The following TLN2 variants were observed in gnomAD, a reference collection of about 807,000 sequenced individuals.
TLN2 encodes the protein talin-2.
A neutral mutation model predicts 294.7 loss-of-function variants in TLN2; 118 were observed. The ratio of observed to expected loss-of-function variants is 0.40; its 90% confidence interval spans 0.34 to 0.47. The LOEUF (loss-of-function observed/expected upper bound fraction) is 0.47, where lower values mean the gene tolerates loss of function less well. Ranked by LOEUF, TLN2 falls within the 20% of genes least tolerant of loss-of-function variation. The pLI is 0.84. For synonymous variants in TLN2, 1,431 were observed against 1,304.5 expected (o/e 1.10, Z -2.09); for missense variants, 3,083 against 3,282.2 (o/e 0.94, Z 1.48).
intron 12 of TLN2, among the ~76,000 whole-genome samples, chr15:62,689,415 A>G (rs1400999237): frequency 6.6e-6 from 1 of 152,182 alleles, no homozygotes; most frequent in African/African-American, 2.4e-5. Flanking sequence ...ATGTGATGAA[A>G]GAAACTCATG....
intron 3 of TLN2, chr15:62,638,768 C>G (rs1000276840): frequency 7.8e-6 from 3 of 386,688 alleles, no homozygotes; most frequent in Non-Finnish European, 1.5e-5. Context: ...GAACCCTTCT[C>G]TGTGTCAGGT....
rs146677961 is a variant in TLN2, at chr15:62,462,463, T to G, written c.-238+71778T>G. On this transcript the variant is annotated intron_variant, in intron 1 of 58. Transcript: ENST00000636159. Reference sequence around the variant, plus strand: ...TGGACACATTGTTAGGGCCATCTGTTTTGGAAACCAGCACTACTCTTGGGT... The same window carrying G: ...TGGACACATTGTTAGGGCCATCTGTGTTGGAAACCAGCACTACTCTTGGGT... 7.0e-4 allele frequency among the ~76,000 whole-genome samples: 106 copies of G among 152,136 alleles called. 1 individual carries two copies. The highest frequency in any genetic ancestry group is 2.4e-3 in the African/African-American group (100 of 41,496).
chr15:62,644,371 A>C (rs1377982893), intron 3 of TLN2: 1 of 389,542 alleles, frequency 2.6e-6, no homozygotes, highest in East Asian at 7.2e-5. Flanking sequence ...CTGCCAATTC[A>C]GAATGTTGTT....
At chr15:62,556,528 G>A (rs1043505559) in intron 1 of TLN2, among the ~76,000 whole-genome samples, 2 of 151,874 alleles carry the variant, frequency 1.3e-5, no homozygotes, top group African/African-American at 4.8e-5. Flanking sequence ...GTCCAGGCTG[G>A]TCTCAAGAGA....
intron 37 of TLN2, among the ~76,000 whole-genome samples, chr15:62,759,930 C>T (rs966176332): frequency 3.9e-5 from 6 of 152,322 alleles, no homozygotes; most frequent in Admixed American, 2.6e-4. Context: ...TGGTAAACCC[C>T]GACCTCCAGG....
At position 62,762,446 on chromosome 15, in the gene TLN2, T is replaced by A; in HGVS notation, c.4954T>A (p.Ser1652Thr). The change falls in exon 39 of 59, where the codon TCT becomes ACT. Residue 1652 changes from serine (S) to threonine (T), a missense_variant. Transcript: ENST00000636159. ...CGACTCCATCAAGAGTCTCATCACT[T>A]CTATCAGGTCAGTTTCCCATCCGGA... is the stretch of plus-strand genomic sequence containing the variant. Reference protein sequence around the residue: ...VSDSIKSLITSIRDKAPGQRE... With the variant: ...VSDSIKSLITTIRDKAPGQRE... The A allele has an allele frequency of 6.2e-7, 1 of 1,613,724 alleles. No individual in the cohort carries two copies. The highest frequency in any genetic ancestry group is 8.5e-7 in the Non-Finnish European group (1 of 1,179,800).
chr15:62,445,671 G>A (rs2035781353), intron 1 of TLN2, among the ~76,000 whole-genome samples: 1 of 151,334 alleles, frequency 6.6e-6, no homozygotes, highest in South Asian at 2.1e-4. Context: ...TTTTGAGGGT[G>A]GGTGTTGGGG....
intron 37 of TLN2, among the ~76,000 whole-genome samples, chr15:62,761,316 A>G (rs1471340472): frequency 1.3e-5 from 2 of 152,204 alleles, no homozygotes; most frequent in Non-Finnish European, 2.9e-5. Context: ...CAAAGATCCC[A>G]AGGATTGTAG....
chr15:62,691,194 C>G (rs1003084349), intron 12 of TLN2, among the ~76,000 whole-genome samples: 2 of 152,126 alleles, frequency 1.3e-5, no homozygotes, highest in Admixed American at 1.3e-4. Context: ...CTATTTTTAT[C>G]CAACACTGTC....
rs916970740 is a variant in TLN2, at chr15:62,764,964, T to G, written c.5094+1269T>G. Among the ~76,000 whole-genome samples, 10 of 80,288 alleles carry G rather than the reference T, an allele frequency of 1.2e-4. No homozygotes were observed. The East Asian group carries it at 3.6e-3, about 29-fold the overall frequency. The allele number at this position is 80,288 out of a possible 152,430, so 52.7% of individuals were successfully genotyped here. A position where few individuals can be genotyped will look rare whatever the true frequency, so the allele number is the denominator to read the frequency against. The stretch of plus-strand genomic sequence containing the variant: ...TAAGCCTGGGACAACAGAGCGAGAC[T>G]CCATCTTAAAAAAAAAAAAAAAAAA... On this transcript the variant is annotated intron_variant, in intron 40 of 58. Coordinates refer to ENST00000636159, the MANE Select transcript of TLN2 (RefSeq NM_015059.3).
chr15:62,412,452 C>CTG (rs1249268177), intron 1 of TLN2, among the ~76,000 whole-genome samples: 1 of 152,166 alleles, frequency 6.6e-6, no homozygotes, highest in African/African-American at 2.4e-5. Flanking sequence ...AGCTGTCCTT[C>CTG]TGTTAATGTT....
chr15:62,731,749 G>A (rs2060740790), intron 28 of TLN2, among the ~76,000 whole-genome samples: 1 of 152,106 alleles, frequency 6.6e-6, no homozygotes, highest in Non-Finnish European at 1.5e-5. Context: ...TCAAGATCTT[G>A]GCCCTCTTTA....
chr15:62,748,259 A>G lies in TLN2; in HGVS notation c.4026-92A>G, dbSNP rs1595870476. ...CTGGGGACCCGAGCTGAAATAGTGA[A>G]TTAATTGTATTTCTGGTGAGCCTGC... On this transcript the variant is annotated intron_variant, in intron 32 of 58. Transcript: ENST00000636159. The G allele has an allele frequency of 6.1e-6, 6 of 976,070 alleles. No homozygotes were observed. The Admixed American group carries it at 1.0e-4, about 17-fold the overall frequency. 60.5% of individuals were successfully genotyped at this position (976,070 alleles called of 1,614,324 possible). A position where few individuals can be genotyped will look rare whatever the true frequency, so the allele number is the denominator to read the frequency against.
intron 9 of TLN2, among the ~76,000 whole-genome samples, chr15:62,659,085 G>GTC (rs1172142801): frequency 1.4e-4 from 21 of 152,302 alleles, no homozygotes; most frequent in African/African-American, 4.8e-4. Flanking sequence ...TCCGAATGTA[G>GTC]TCATTCACCG....
At chr15:62,515,615 A>T (rs1454406530) in intron 1 of TLN2, among the ~76,000 whole-genome samples, 1 of 152,230 alleles carries the variant, frequency 6.6e-6, no homozygotes, top group African/African-American at 2.4e-5. Flanking sequence ...ATCTGTGTAG[A>T]CATACTACCA....
At chr15:62,542,713 A>G (rs1396153676) in intron 1 of TLN2, among the ~76,000 whole-genome samples, 3 of 152,004 alleles carry the variant, frequency 2.0e-5, no homozygotes, top group African/African-American at 7.2e-5. Context: ...GGTATTAGGG[A>G]TCTGATCCCT....
At chr15:62,702,260 GA>G in intron 18 of TLN2, 60 bp downstream of exon 18, 1 of 1,504,704 alleles carries the variant, frequency 6.6e-7, no homozygotes, top group Admixed American at 2.0e-5. Flanking sequence ...TCCACTGGGG[GA>G]CCATGGGGCT....
chr15:62,755,495 G>T, intron 36 of TLN2, 37 bp from the exon 37 acceptor site: 1 of 1,608,354 alleles, frequency 6.2e-7, no homozygotes, highest in Non-Finnish European at 8.5e-7. Flanking sequence ...CTGCACTGTA[G>T]CATGGGGTAC....
At chr15:62,795,107 C>T (rs761736623) in intron 46 of TLN2, among the ~76,000 whole-genome samples, 12 of 152,068 alleles carry the variant, frequency 7.9e-5, no homozygotes, top group East Asian at 1.9e-4. Flanking sequence ...GGGAGGTGTC[C>T]GGGGCTCAGC....
Sources: gnomAD v4.1 joint callset for allele counts (sites outside exome capture counted in the v4.1 genomes callset) on GRCh38, gnomAD v4.1.1 for gene constraint, MANE v1.5 for transcripts, NCBI Gene and HGNC (gene_info 2026-07-23, HGNC 2026-07-21) for gene names.